The following ATP2A2 variants were observed in gnomAD, a reference collection of about 807,000 sequenced individuals.
ATP2A2 encodes sarcoplasmic/endoplasmic reticulum calcium ATPase 2.
In ATP2A2, 14 loss-of-function variants were observed where a neutral mutation model predicts 109.3. The ratio of observed to expected loss-of-function variants is 0.13; its 90% CI spans 0.08 to 0.20. The LOEUF (loss-of-function observed/expected upper bound fraction) is 0.20, where lower values mean the gene tolerates loss of function less well. Among genes scored for constraint, ATP2A2 ranks in the 10% least tolerant of loss-of-function variants. The pLI is 1.00. For missense variants in ATP2A2, 657 were observed against 1,321.6 expected (o/e 0.50, Z 7.80); for synonymous variants, 506 against 490.9 (o/e 1.03, Z -0.41).
chr12:110,327,447 T>C lies in ATP2A2; in HGVS notation c.631-106T>C. ...CTTGAACAGTAGCCAGTGGAAGACCTAGTAGAATGTGTAGAGAATCTGGGT... is the reference window on the plus strand; with the variant it reads ...CTTGAACAGTAGCCAGTGGAAGACCCAGTAGAATGTGTAGAGAATCTGGGT... On this transcript the variant is annotated intron_variant, in intron 7 of 19. Transcript: ENST00000539276. The surrounding 1 kb of genome is among the most constrained non-coding windows in gnomAD (Gnocchi z 4.4). 1 of 1,013,666 alleles carries C rather than the reference T, an allele frequency of 9.9e-7. No individual in the cohort carries two copies. The highest frequency in any genetic ancestry group is 1.6e-6 in the Non-Finnish European group (1 of 633,996). The allele number at this position is 1,013,666 out of a possible 1,614,324, so 62.8% of individuals were successfully genotyped here.
In ATP2A2 at chr12:110,346,715, T is replaced by G; in HGVS notation, c.*245T>G. On this transcript the variant is annotated 3_prime_UTR_variant, in exon 20 of 20. Coordinates refer to ENST00000539276, the MANE Select transcript of ATP2A2 (RefSeq NM_170665.4). ...ACACTATTTTATGCAAATATTTTTT[T>G]GTAGATGAAAAAGCATGTACAGTGT... 1 of 1,369,022 alleles carries G rather than the reference T, an allele frequency of 7.3e-7. No homozygotes were observed. The highest frequency in any genetic ancestry group is 1.6e-5 in the South Asian group (1 of 64,212). 84.8% of individuals were successfully genotyped at this position (1,369,022 alleles called of 1,614,324 possible). A position where few individuals can be genotyped will look rare whatever the true frequency, so the allele number is the denominator to read the frequency against.
chr12:110,324,710 T>C (rs767517366), intron 6 of ATP2A2, among the ~76,000 whole-genome samples: 3 of 151,572 alleles, frequency 2.0e-5, no homozygotes, highest in Non-Finnish European at 4.4e-5. Flanking sequence ...ATTTAAAAAC[T>C]TTTTAGGCTG....
At chr12:110,319,389 G>A (rs1877015541) in intron 5 of ATP2A2, among the ~76,000 whole-genome samples, 1 of 151,724 alleles carries the variant, frequency 6.6e-6, no homozygotes, top group Admixed American at 6.6e-5. Flanking sequence ...GAAACATTTA[G>A]AACAGCTGTG....
intron 5 of ATP2A2, among the ~76,000 whole-genome samples, chr12:110,302,266 T>A (rs749772250): frequency 3.9e-5 from 6 of 152,200 alleles, no homozygotes; most frequent in Non-Finnish European, 8.8e-5. Context: ...CCTTAAACAC[T>A]GACTTCCAGT....
chr12:110,323,218 T>C, intron 6 of ATP2A2, 146 bp downstream of exon 6: 1 of 730,436 alleles, frequency 1.4e-6, no homozygotes, highest in East Asian at 2.7e-5. Flanking sequence ...TTAGTCTCGC[T>C]CCATTGCCCA....
chr12:110,330,557 T>G (rs928306447), intron 8 of ATP2A2: 2 of 152,246 alleles, frequency 1.3e-5, no homozygotes, highest in Non-Finnish European at 2.9e-5. Context: ...GAATAGTCTT[T>G]ATGTCTGTGA....
intron 3 of ATP2A2, among the ~76,000 whole-genome samples, chr12:110,284,382 T>C (rs1379664950): frequency 6.6e-6 from 1 of 152,216 alleles, no homozygotes; most frequent in Non-Finnish European, 1.5e-5. Context: ...TTCTTAAAAA[T>C]TAATCAGCTG....
In ATP2A2 at chr12:110,349,146, G is replaced by A; in HGVS notation, c.*2676G>A. Reference sequence around the variant, plus strand: ...TAGGCCCACTGCTGTTTTGAGCAGGGCCACTTGCTCCATTTCACTGAAGGC... The same window carrying A: ...TAGGCCCACTGCTGTTTTGAGCAGGACCACTTGCTCCATTTCACTGAAGGC... On this transcript the variant is annotated 3_prime_UTR_variant, in exon 20 of 20. Transcript: ENST00000539276. 5 of 985,498 alleles carry A rather than the reference G, an allele frequency of 5.1e-6. No individual in the cohort carries two copies. Among genetic ancestry groups the A allele is most frequent in the Non-Finnish European group, 6.0e-6 (5 of 830,012 alleles). 61.0% of individuals were successfully genotyped at this position (985,498 alleles called of 1,614,324 possible).
intron 18 of ATP2A2, 85 bp from the exon 19 acceptor site, chr12:110,345,916 A>G: frequency 7.5e-7 from 1 of 1,329,394 alleles, no homozygotes; most frequent in Non-Finnish European, 1.1e-6. Context: ...CGCCTTACTG[A>G]AGTGTAGTCC....
intron 11 of ATP2A2, among the ~76,000 whole-genome samples, chr12:110,334,826 G>T (rs1017671842): frequency 2.0e-5 from 3 of 152,108 alleles, no homozygotes; most frequent in Non-Finnish European, 2.9e-5. Flanking sequence ...GACCTCAGGT[G>T]ATCCGCCCAC....
Position 110,350,332 on chromosome 12 carries a change from T to A in ATP2A2, c.*3862T>A. The A allele has an allele frequency of 6.2e-7, 1 of 1,614,168 alleles. No individual in the cohort carries two copies. The highest frequency in any genetic ancestry group is 1.6e-4 in the Middle Eastern group (1 of 6,062). On this transcript the variant is annotated 3_prime_UTR_variant, in exon 20 of 20. Transcript: ENST00000539276. ...CGCTTCCTAAACCATTTTGCAGAAA[T>A]GTAAGGGTGTTCGGTTGCGTGCATG... is the stretch of plus-strand genomic sequence containing the variant.
In ATP2A2 at chr12:110,349,196, A is replaced by G. The variant is rs1034207219; in HGVS notation, c.*2726A>G. 5.1e-6 allele frequency: 5 copies of G among 985,412 alleles called. No individual in the cohort carries two copies. Among genetic ancestry groups the G allele is most frequent in the African/African-American group, 1.7e-5 (1 of 57,212 alleles). 61.0% of individuals were successfully genotyped at this position (985,412 alleles called of 1,614,324 possible). On this transcript the variant is annotated 3_prime_UTR_variant, in exon 20 of 20. Coordinates refer to ENST00000539276, the MANE Select transcript of ATP2A2 (RefSeq NM_170665.4). Reference sequence around the variant, plus strand: ...CTTTGCTGGGTGAAAACACTTCAGCATCTCCTCCTCAGGTCAACCCATAAA... The same window carrying G: ...CTTTGCTGGGTGAAAACACTTCAGCGTCTCCTCCTCAGGTCAACCCATAAA...
intron 6 of ATP2A2, among the ~76,000 whole-genome samples, chr12:110,324,538 C>T (rs1877570345): frequency 6.6e-6 from 1 of 152,140 alleles, no homozygotes; most frequent in East Asian, 1.9e-4. Flanking sequence ...TCTCCTGCCT[C>T]AGCCACCTGA....
In ATP2A2 at chr12:110,333,940, A is replaced by G. The variant is rs55670312; in HGVS notation, c.1288-72A>G. ...AGGACAGATTGTGCTTTTGTGGAAA[A>G]AAAATATTAAAGATAAATTTATCTG... On this transcript the variant is annotated intron_variant, in intron 10 of 19. Transcript: ENST00000539276. 3.0e-3 allele frequency: 4,874 copies of G among 1,605,350 alleles called. 44 individuals carry two copies. The highest frequency in any genetic ancestry group is 0.016 in the South Asian group (1,444 of 90,254).
At chr12:110,299,086 C>CAG (rs139390864) in intron 5 of ATP2A2, among the ~76,000 whole-genome samples, 4,575 of 152,172 alleles carry the variant, frequency 0.03, 90 homozygotes, top group South Asian at 0.055. Flanking sequence ...TCTCCCACCT[C>CAG]AGCCTCCTGA....
Position 110,342,648 on chromosome 12 carries a change from A to G in ATP2A2, c.2318+200A>G, listed in dbSNP as rs907898584. ...GGGAGGGTTGTCTGCAGCTGCCCCA[A>G]TGTGCAAAGAATCCTCTTTAACGTG... is the stretch of plus-strand genomic sequence containing the variant. On this transcript the variant is annotated intron_variant, in intron 15 of 19. Transcript: ENST00000539276. This position sits in a 1 kb window ranked among gnomAD's most constrained non-coding sequence, Gnocchi z 4.6. Among the ~76,000 whole-genome samples, 11 of 152,206 alleles carry G rather than the reference A, an allele frequency of 7.2e-5. No homozygotes were observed. The highest frequency in any genetic ancestry group is 1.2e-4 in the Non-Finnish European group (8 of 68,032).
intron 5 of ATP2A2, among the ~76,000 whole-genome samples, chr12:110,314,783 AG>A (rs1180053577): frequency 6.6e-6 from 1 of 152,198 alleles, no homozygotes; most frequent in Non-Finnish European, 1.5e-5. Context: ...AAAATGAGAC[AG>A]GTATGTATAA....
intron 4 of ATP2A2, among the ~76,000 whole-genome samples, chr12:110,295,381 C>A (rs1016797319): frequency 2.0e-5 from 3 of 152,084 alleles, no homozygotes; most frequent in African/African-American, 7.2e-5. Flanking sequence ...CCAGGTTGGT[C>A]TGGAACTCTT....
At chr12:110,305,646 G>A (rs1875209854) in intron 5 of ATP2A2, among the ~76,000 whole-genome samples, 1 of 152,102 alleles carries the variant, frequency 6.6e-6, no homozygotes, top group South Asian at 2.1e-4. Flanking sequence ...GCTAGCTGTC[G>A]TTTTGTATTT....
Sources: allele counts gnomAD v4.1 joint callset (sites outside exome capture counted in the v4.1 genomes callset), GRCh38; gene constraint gnomAD v4.1.1; non-coding constraint Gnocchi (gnomAD v3.1); transcripts MANE v1.5; gene names NCBI Gene and HGNC (gene_info 2026-07-23, HGNC 2026-07-21).